NCOA7: variants seen among roughly 807,000 people sequenced by gnomAD.
NCOA7 encodes 140 kDa estrogen receptor-associated protein.
NCOA7 carries 45 observed loss-of-function variants against 104.3 expected under a neutral mutation model. That is an observed-to-expected ratio of 0.43 (90% confidence interval 0.34 to 0.55). The LOEUF (loss-of-function observed/expected upper bound fraction) is 0.55, where lower values mean the gene tolerates loss of function less well. NCOA7 is among the 20% of genes least tolerant of loss of function. The pLI, the probability that NCOA7 is intolerant of heterozygous loss-of-function variation, is 0.02. For missense variants in NCOA7, 1,041 were observed against 1,119.7 expected (o/e 0.93, Z 1.00); for synonymous variants, 398 against 402.3 (o/e 0.99, Z 0.13).
At chr6:125,877,475 G>C (rs1363607286) in intron 4 of NCOA7, among the ~76,000 whole-genome samples, 1 of 152,176 alleles carries the variant, frequency 6.6e-6, no homozygotes, top group Non-Finnish European at 1.5e-5. Flanking sequence ...TGGCAGCTCT[G>C]ATCAGGGAGT....
chr6:125,833,760 A>G (rs1382432849), intron 2 of NCOA7, among the ~76,000 whole-genome samples: 1 of 152,122 alleles, frequency 6.6e-6, no homozygotes, highest in Non-Finnish European at 1.5e-5. Flanking sequence ...ATGCAGTTCT[A>G]ATAAAAGGAG....
intron 10 of NCOA7, among the ~76,000 whole-genome samples, chr6:125,897,365 A>G (rs1408377832): frequency 6.6e-6 from 1 of 152,218 alleles, no homozygotes; most frequent in Non-Finnish European, 1.5e-5. Flanking sequence ...GCAATGGGTT[A>G]GAAAATAGAT....
Position 125,851,900 on chromosome 6 carries a change from T to C in NCOA7, c.51-3120T>C, listed in dbSNP as rs534514512. On this transcript the variant is annotated intron_variant, in intron 2 of 15. Coordinates refer to ENST00000392477, the MANE Select transcript of NCOA7 (RefSeq NM_181782.5). ...TTGGCCATTGTATATCTTTTTTTTTTTCGAGAAATATCTATTCATGTCATT... is the reference window on the plus strand; with the variant it reads ...TTGGCCATTGTATATCTTTTTTTTTCTCGAGAAATATCTATTCATGTCATT... 2.0e-3 allele frequency among the ~76,000 whole-genome samples: 311 copies of C among 152,280 alleles called. 1 individual carries two copies. The highest frequency in any genetic ancestry group is 7.1e-3 in the African/African-American group (295 of 41,558).
Position 125,878,292 on chromosome 6 carries a change from A to T in NCOA7, c.381A>T (p.Ile127=). 1 of 1,612,724 alleles carries T rather than the reference A, an allele frequency of 6.2e-7. No individual in the cohort carries two copies. Among genetic ancestry groups the T allele is most frequent in the South Asian group, 1.1e-5 (1 of 90,816 alleles). The change falls in exon 5 of 16, where the codon ATA becomes ATT. Residue 127 remains isoleucine, a synonymous_variant. Transcript: ENST00000392477. ...GAAACCAGGACACCCTAAACTCCAT[A>T]GCACTGAAATTTAACATCACTCCCA... The part of the protein sequence containing the change: ...TAGNQDTLNS[I]ALKFNITPNK...
At position 125,928,091 on chromosome 6, in the gene NCOA7, C is replaced by T. The variant is rs576880600; in HGVS notation, c.2620-83C>T. 5.4e-6 allele frequency: 7 copies of T among 1,291,476 alleles called. 1 individual carries two copies. Among genetic ancestry groups the T allele is most frequent in the South Asian group, 5.0e-5 (4 of 80,488 alleles). 80.0% of individuals were successfully genotyped at this position (1,291,476 alleles called of 1,614,324 possible). A position where few individuals can be genotyped will look rare whatever the true frequency, so the allele number is the denominator to read the frequency against. ...AATGGGGTGAGGTGGTTCCCTTTTACATATAGATACTATTTCATATTTCCT... is the reference window on the plus strand; with the variant it reads ...AATGGGGTGAGGTGGTTCCCTTTTATATATAGATACTATTTCATATTTCCT... On this transcript the variant is annotated intron_variant, in intron 14 of 15. Coordinates refer to ENST00000392477, the MANE Select transcript of NCOA7 (RefSeq NM_181782.5).
chr6:125,806,370 T>C (rs1776454623), intron 1 of NCOA7, among the ~76,000 whole-genome samples: 1 of 152,092 alleles, frequency 6.6e-6, no homozygotes, highest in African/African-American at 2.4e-5. Flanking sequence ...AAGGTACCCT[T>C]CTGCCTTAAT....
At chr6:125,857,094 A>T (rs1204897850) in intron 3 of NCOA7, among the ~76,000 whole-genome samples, 2 of 152,348 alleles carry the variant, frequency 1.3e-5, no homozygotes, top group East Asian at 1.9e-4. Context: ...ATCTCAAGCT[A>T]TTCAGTATTT....
In NCOA7 at chr6:125,855,029, G is replaced by GA; in HGVS notation, c.66dup (p.Gln23ThrfsTer23). The GA allele has an allele frequency of 1.2e-6, 2 of 1,600,114 alleles. No individual in the cohort carries two copies. The highest frequency in any genetic ancestry group is 1.4e-5 in the African/African-American group (1 of 74,004). On this transcript the variant is annotated frameshift_variant, in exon 3 of 16. Coordinates refer to ENST00000392477, the MANE Select transcript of NCOA7 (RefSeq NM_181782.5). LOFTEE classifies it high-confidence loss of function. The stretch of plus-strand genomic sequence containing the variant: ...TTTCCCTCTTTCCTAGACTGAAAAA[G>GA]AAAAAACAAGCCAAACAAAATGCAG...
intron 10 of NCOA7, among the ~76,000 whole-genome samples, chr6:125,911,867 G>A (rs898706046): frequency 2.0e-5 from 3 of 152,084 alleles, no homozygotes; most frequent in African/African-American, 7.2e-5. Context: ...GCATCCACAC[G>A]GTTTGTTCAT....
At chr6:125,816,438 T>G (rs1777598160) in intron 2 of NCOA7, among the ~76,000 whole-genome samples, 1 of 152,204 alleles carries the variant, frequency 6.6e-6, no homozygotes, top group African/African-American at 2.4e-5. Flanking sequence ...GAGTCAGTAT[T>G]AAACATAAGG....
In NCOA7 at chr6:125,920,935, C is replaced by G; in HGVS notation, c.2245-8C>G. Reference sequence around the variant, plus strand: ...AGTTATTTTTCTTGGCTTGTTTTCTCATTTCAGATCATCACTGTTGAAGAG... The same window carrying G: ...AGTTATTTTTCTTGGCTTGTTTTCTGATTTCAGATCATCACTGTTGAAGAG... On this transcript the variant is annotated splice_polypyrimidine_tract_variant and splice_region_variant and intron_variant, in intron 11 of 15. Transcript: ENST00000392477. The G allele has an allele frequency of 2.5e-6, 4 of 1,611,394 alleles. No homozygotes were observed. The highest frequency in any genetic ancestry group is 3.4e-6 in the Non-Finnish European group (4 of 1,178,398).
intron 10 of NCOA7, among the ~76,000 whole-genome samples, chr6:125,899,653 T>A (rs1785320908): frequency 2.6e-5 from 4 of 152,222 alleles, no homozygotes; most frequent in Admixed American, 2.6e-4. Context: ...GGAAAACCCC[T>A]AAACAAATAT....
intron 10 of NCOA7, among the ~76,000 whole-genome samples, chr6:125,911,314 C>A (rs1786529526): frequency 6.6e-6 from 1 of 152,222 alleles, no homozygotes; most frequent in South Asian, 2.1e-4. Flanking sequence ...TTATGCAAGC[C>A]CTGCCTCAGT....
At chr6:125,907,686 C>A (rs1786145488) in intron 10 of NCOA7, among the ~76,000 whole-genome samples, 1 of 152,126 alleles carries the variant, frequency 6.6e-6, no homozygotes, top group African/African-American at 2.4e-5. Context: ...GGTTGGGGAA[C>A]AGCTTAGAAT....
Position 125,922,693 on chromosome 6 carries a change from C to T in NCOA7, c.2382C>T (p.Arg794=), listed in dbSNP as rs906022426. ...ENMHIEQLAR[R]LPARVQGYPW... ...CTTTGGCTTTGTAGCTGGCCCGACG[C>T]CTTCCTGCAAGGGTGCAAGGGTATC... The change falls in exon 13 of 16, where the codon CGC becomes CGT. Residue 794 remains arginine, a synonymous_variant. Coordinates refer to ENST00000392477, the MANE Select transcript of NCOA7 (RefSeq NM_181782.5). 6.2e-7 allele frequency: 1 copy of T among 1,612,500 alleles called. No homozygotes were observed. Among genetic ancestry groups the T allele is most frequent in the Admixed American group, 1.7e-5 (1 of 59,874 alleles).
intron 2 of NCOA7, among the ~76,000 whole-genome samples, chr6:125,846,820 C>T (rs550071387): frequency 9.9e-5 from 15 of 152,188 alleles, no homozygotes; most frequent in Non-Finnish European, 1.9e-4. Context: ...TTTTTCTCAG[C>T]CTTCCTTTTC....
At chr6:125,914,747 G>C (rs1189710127) in intron 10 of NCOA7, among the ~76,000 whole-genome samples, 1 of 152,134 alleles carries the variant, frequency 6.6e-6, no homozygotes, top group Non-Finnish European at 1.5e-5. Context: ...AGATACTTTG[G>C]AAACTTCATT....
At chr6:125,885,368 G>T in intron 8 of NCOA7, 25 bp downstream of exon 8, 3 of 1,602,038 alleles carry the variant, frequency 1.9e-6, no homozygotes, top group Non-Finnish European at 2.6e-6. Context: ...TGTTTACCAG[G>T]AAAAAAGGGG....
Position 125,915,491 on chromosome 6 carries a change from G to A in NCOA7, c.2244+11G>A. On this transcript the variant is annotated intron_variant, in intron 11 of 15. Coordinates refer to ENST00000392477, the MANE Select transcript of NCOA7 (RefSeq NM_181782.5). ...ACCAAGAGCTGGGAGGTGAGCACTT[G>A]GGCAGGGTTAGACCGTCGTAGTTCC... 1 of 1,613,508 alleles carries A rather than the reference G, an allele frequency of 6.2e-7. No homozygotes were observed. Among genetic ancestry groups the A allele is most frequent in the Non-Finnish European group, 8.5e-7 (1 of 1,179,560 alleles).
Sources: allele counts gnomAD v4.1 joint callset (sites outside exome capture counted in the v4.1 genomes callset), GRCh38; gene constraint gnomAD v4.1.1; transcripts MANE v1.5; gene names NCBI Gene and HGNC (gene_info 2026-07-23, HGNC 2026-07-21).